Variants in DNAJC16 observed in about 807,000 individuals in gnomAD.
DNAJC16 encodes the protein DnaJ heat shock protein family (Hsp40) member C16.
A neutral mutation model predicts 92.7 loss-of-function variants in DNAJC16; 76 were observed. The ratio of observed to expected loss-of-function variants is 0.82; its 90% CI spans 0.68 to 0.99. The LOEUF is 0.99. Ranked by LOEUF, DNAJC16 falls within the 50% of genes least tolerant of loss-of-function variation. DNAJC16 has a pLI of 0.00. For synonymous variants in DNAJC16, 328 were observed against 358.7 expected, an observed-to-expected ratio of 0.91 and a Z score of 0.97; for missense variants, 869 against 942.4, an observed-to-expected ratio of 0.92 and a Z score of 1.02.
chr1:15,551,966 G>A (rs1390797163), intron 7 of DNAJC16, among the ~76,000 whole-genome samples: 2 of 151,656 alleles, frequency 1.3e-5, no homozygotes, highest in African/African-American at 2.4e-5. Context: ...AGGAGGCAAA[G>A]GTTGCAGTGA....
At chr1:15,533,653 C>A (rs571556030) in intron 2 of DNAJC16, among the ~76,000 whole-genome samples, 114 of 151,842 alleles carry the variant, frequency 7.5e-4, no homozygotes, top group African/African-American at 2.6e-3. Context: ...ACAAAAAAAA[C>A]AGTGGCCTTG....
intron 7 of DNAJC16, among the ~76,000 whole-genome samples, chr1:15,556,220 GTTGTTTTGTTTTGTTTTGTT>G (rs76260170): frequency 6.7e-6 from 1 of 149,984 alleles, no homozygotes; most frequent in East Asian, 2.0e-4. Context: ...ACAGTTGTTG[GTTGTTTTGTTTTGTTTTGTT>G]TTGTTTTGTT....
chr1:15,531,833 A>T (rs760332233), intron 2 of DNAJC16, among the ~76,000 whole-genome samples: 38 of 152,182 alleles, frequency 2.5e-4, no homozygotes, highest in Admixed American at 1.6e-3. Flanking sequence ...TGTCACTTGG[A>T]ATAGTTTAAG....
chr1:15,564,857 C>G (rs1441471308), intron 11 of DNAJC16, among the ~76,000 whole-genome samples: 1 of 147,718 alleles, frequency 6.8e-6, no homozygotes, highest in Non-Finnish European at 1.5e-5. Context: ...TTTTTTGAGA[C>G]AGAGTCTCAC....
intron 7 of DNAJC16, among the ~76,000 whole-genome samples, chr1:15,553,205 A>G (rs951715592): frequency 2.6e-5 from 4 of 151,646 alleles, no homozygotes; most frequent in Non-Finnish European, 4.4e-5. Context: ...CGTGGCAAAT[A>G]TCTTCACCCA....
chr1:15,571,219 G>A lies in DNAJC16; in HGVS notation c.*3042G>A, dbSNP rs1638941533. ...GTTTCTTCCTCATTTGCAGCTTGTT[G>A]ATACTTGTTCCTTTTTATTTATTAA... On this transcript the variant is annotated 3_prime_UTR_variant, in exon 15 of 15. Transcript: ENST00000375847. 1 of 152,176 alleles carries A rather than the reference G, an allele frequency of 6.6e-6. No homozygotes were observed. The highest frequency in any genetic ancestry group is 2.1e-4 in the South Asian group (1 of 4,830). The allele number at this position is 152,176 out of a possible 1,614,324, so 9.4% of individuals were successfully genotyped here.
At chr1:15,547,240 C>T (rs190539117) in intron 6 of DNAJC16, among the ~76,000 whole-genome samples, 2 of 151,434 alleles carry the variant, frequency 1.3e-5, no homozygotes, top group Admixed American at 1.3e-4. Context: ...CTCCATCTCC[C>T]AGGTTCAAGC....
chr1:15,528,767 C>G (rs952428594), intron 1 of DNAJC16, among the ~76,000 whole-genome samples: 7 of 151,894 alleles, frequency 4.6e-5, no homozygotes, highest in African/African-American at 1.7e-4. Context: ...CCTGATTATC[C>G]TATTTAGGTT....
intron 5 of DNAJC16, among the ~76,000 whole-genome samples, chr1:15,546,159 GC>G (rs1638297698): frequency 6.6e-6 from 1 of 152,126 alleles, no homozygotes; most frequent in Admixed American, 6.5e-5. Context: ...GCAAACATTA[GC>G]CAGGCATGGT....
chr1:15,567,493 G>A (rs1638846750), intron 14 of DNAJC16, among the ~76,000 whole-genome samples: 1 of 152,170 alleles, frequency 6.6e-6, no homozygotes, highest in Admixed American at 6.5e-5. Flanking sequence ...TGAACTCAGT[G>A]TTATTCCCTG....
chr1:15,538,481 G>A (rs899965239), intron 4 of DNAJC16, among the ~76,000 whole-genome samples: 3 of 152,050 alleles, frequency 2.0e-5, no homozygotes, highest in African/African-American at 7.2e-5. Context: ...ACTTTGGGAG[G>A]CCAAGGCAGG....
chr1:15,556,791 A>G (rs1452280460), intron 7 of DNAJC16, among the ~76,000 whole-genome samples: 1 of 152,218 alleles, frequency 6.6e-6, no homozygotes, highest in Non-Finnish European at 1.5e-5. Context: ...GAAGGCTTTC[A>G]GCATTTCCCC....
chr1:15,529,089 T>G lies in DNAJC16; in HGVS notation c.-17T>G. 6.2e-7 allele frequency: 1 copy of G among 1,612,070 alleles called. No homozygotes were observed. Among genetic ancestry groups the G allele is most frequent in the Non-Finnish European group, 8.5e-7 (1 of 1,179,342 alleles). ...TCATTGCCTCTTCAATCATTTCAGC[T>G]CTGGAAAGGAAGAGAAATGGAAGTG... On this transcript the variant is annotated splice_region_variant and 5_prime_UTR_variant, in exon 2 of 15. Transcript: ENST00000375847.
At chr1:15,563,663 TAAAAAAA>T (rs57751838) in intron 9 of DNAJC16, among the ~76,000 whole-genome samples, 14 of 53,212 alleles carry the variant, frequency 2.6e-4, no homozygotes, top group Admixed American at 1.3e-3. Context: ...CCATCTCTAC[TAAAAAAA>T]AAAAAAAAAA....
chr1:15,538,534 A>G (rs1710849279), intron 4 of DNAJC16, among the ~76,000 whole-genome samples: 1 of 152,100 alleles, frequency 6.6e-6, no homozygotes, highest in African/African-American at 2.4e-5. Context: ...CCTGGCCAAA[A>G]TGCTGAAACT....
intron 8 of DNAJC16, chr1:15,560,387 A>G (rs1638664381): frequency 6.6e-6 from 1 of 152,248 alleles, no homozygotes; most frequent in African/African-American, 2.4e-5. Flanking sequence ...GTAGGGAAGT[A>G]CAGAGTATTG....
chr1:15,533,575 C>T (rs1710709962), intron 2 of DNAJC16, among the ~76,000 whole-genome samples: 1 of 152,080 alleles, frequency 6.6e-6, no homozygotes, highest in African/African-American at 2.4e-5. Context: ...TTGCAGTGCG[C>T]CAAGATTGTA....
intron 4 of DNAJC16, among the ~76,000 whole-genome samples, chr1:15,537,143 G>A (rs896433112): frequency 6.6e-6 from 1 of 152,224 alleles, no homozygotes; most frequent in Non-Finnish European, 1.5e-5. Flanking sequence ...GAGCCACCAT[G>A]CCTGGCCCCA....
chr1:15,543,705 T>C (rs944479544), intron 4 of DNAJC16, among the ~76,000 whole-genome samples: 1 of 152,136 alleles, frequency 6.6e-6, no homozygotes, highest in Non-Finnish European at 1.5e-5. Flanking sequence ...GCAGGAGAGA[T>C]AATGATGACT....
Sources: gnomAD v4.1 joint callset for allele counts (sites outside exome capture counted in the v4.1 genomes callset) on GRCh38, gnomAD v4.1.1 for gene constraint, MANE v1.5 for transcripts, NCBI Gene and HGNC (gene_info 2026-07-23, HGNC 2026-07-21) for gene names.